DOK6: variants seen among roughly 807,000 people sequenced by gnomAD.
The protein encoded by DOK6 is docking protein 6.
In DOK6, 22 loss-of-function variants were observed where a neutral mutation model predicts 44.0. That is an observed-to-expected ratio of 0.50 (90% CI 0.36 to 0.71). DOK6 has a LOEUF of 0.71. DOK6 is among the 30% of genes least tolerant of loss of function. The probability of loss-of-function intolerance (pLI) is 0.00; values close to 1 mark genes in which losing one functional copy is unlikely to be tolerated. For synonymous variants in DOK6, 166 were observed against 145.5 expected, an observed-to-expected ratio of 1.14 and a Z score of -1.01; for missense variants, 340 against 416.4, an observed-to-expected ratio of 0.82 and a Z score of 1.60.
chr18:69,405,726 G>A (rs1916194760), intron 1 of DOK6, among the ~76,000 whole-genome samples: 1 of 152,146 alleles, frequency 6.6e-6, no homozygotes, highest in Non-Finnish European at 1.5e-5. Flanking sequence ...TGTAAAGAGA[G>A]ATTATATCTT....
chr18:69,757,688 A>G, intron 6 of DOK6, 68 bp from the exon 7 acceptor site: 1 of 1,311,192 alleles, frequency 7.6e-7, no homozygotes, highest in East Asian at 2.3e-5. Context: ...AACCCTGAAT[A>G]TTTAGAAGAG....
At chr18:69,601,862 A>G (rs1983881616) in intron 3 of DOK6, among the ~76,000 whole-genome samples, 1 of 152,318 alleles carries the variant, frequency 6.6e-6, no homozygotes, top group East Asian at 1.9e-4. Flanking sequence ...GTAAGGAAGT[A>G]CCACACGAAT....
chr18:69,507,711 C>T (rs1981235041), intron 1 of DOK6, among the ~76,000 whole-genome samples: 1 of 151,864 alleles, frequency 6.6e-6, no homozygotes, highest in Admixed American at 6.6e-5. Flanking sequence ...AAATAAGTTG[C>T]TTTTTTTAAC....
intron 7 of DOK6, among the ~76,000 whole-genome samples, chr18:69,779,819 A>G (rs1980203405): frequency 6.6e-6 from 1 of 151,938 alleles, no homozygotes; most frequent in Non-Finnish European, 1.5e-5. Context: ...GACAGAAGAT[A>G]CTATTGATCA....
At chr18:69,409,150 G>A (rs1020025379) in intron 1 of DOK6, among the ~76,000 whole-genome samples, 1 of 152,118 alleles carries the variant, frequency 6.6e-6, no homozygotes, top group Admixed American at 6.5e-5. Flanking sequence ...CCCCTTCACT[G>A]GGTACTCATT....
chr18:69,738,135 G>C (rs773195313), intron 5 of DOK6, among the ~76,000 whole-genome samples: 5 of 152,176 alleles, frequency 3.3e-5, no homozygotes, highest in Non-Finnish European at 7.3e-5. Flanking sequence ...GAAGCCTCTT[G>C]AGACATTTCT....
At chr18:69,824,127 G>A (rs1981661796) in intron 7 of DOK6, among the ~76,000 whole-genome samples, 1 of 151,344 alleles carries the variant, frequency 6.6e-6, no homozygotes, top group South Asian at 2.1e-4. Context: ...CATGTGCCAT[G>A]TTGGTGTGCT....
chr18:69,543,905 A>G (rs1982332778), intron 1 of DOK6, among the ~76,000 whole-genome samples: 1 of 151,410 alleles, frequency 6.6e-6, no homozygotes, highest in Admixed American at 6.6e-5. Flanking sequence ...AAATGGAAGC[A>G]AATATATTGA....
intron 1 of DOK6, among the ~76,000 whole-genome samples, chr18:69,464,732 G>A (rs944721632): frequency 6.6e-6 from 1 of 152,168 alleles, no homozygotes; most frequent in African/African-American, 2.4e-5. Flanking sequence ...TCTTCACTAT[G>A]AACAATGTAA....
intron 1 of DOK6, among the ~76,000 whole-genome samples, chr18:69,447,829 T>C (rs1415812692): frequency 6.6e-6 from 1 of 152,224 alleles, no homozygotes; most frequent in Non-Finnish European, 1.5e-5. Flanking sequence ...ACATATCTCT[T>C]TTCCTAACCT....
At chr18:69,436,157 T>C (rs1008689793) in intron 1 of DOK6, among the ~76,000 whole-genome samples, 1 of 147,160 alleles carries the variant, frequency 6.8e-6, no homozygotes, top group African/African-American at 2.5e-5. Flanking sequence ...TTGATACATA[T>C]ACGAATTATC....
chr18:69,404,516 A>T (rs1916161621), intron 1 of DOK6, among the ~76,000 whole-genome samples: 2 of 152,004 alleles, frequency 1.3e-5, no homozygotes, highest in African/African-American at 4.8e-5. Context: ...TTGTGGAGTG[A>T]TCATCATCAT....
intron 3 of DOK6, among the ~76,000 whole-genome samples, chr18:69,613,382 T>C (rs1044173072): frequency 6.6e-6 from 1 of 152,166 alleles, no homozygotes; most frequent in Admixed American, 6.5e-5. Flanking sequence ...AGGAGAGCCC[T>C]TCTTTCTTTT....
chr18:69,741,697 G>C (rs34964208), intron 6 of DOK6, among the ~76,000 whole-genome samples: 16,446 of 151,952 alleles, frequency 0.11, 927 homozygotes, highest in Middle Eastern at 0.16. Flanking sequence ...GGGTCTTACT[G>C]TGTTGCCCAG....
At chr18:69,768,041 A>G (rs527424015) in intron 7 of DOK6, among the ~76,000 whole-genome samples, 2 of 152,236 alleles carry the variant, frequency 1.3e-5, no homozygotes, top group East Asian at 3.9e-4. Context: ...CAGTCTCTAT[A>G]TTTTTCTCCA....
At chr18:69,730,021 A>G (rs1176423842) in intron 5 of DOK6, among the ~76,000 whole-genome samples, 1 of 152,232 alleles carries the variant, frequency 6.6e-6, no homozygotes, top group East Asian at 1.9e-4. Context: ...GAAAGGATAA[A>G]TCAATACGGA....
At chr18:69,562,279 G>A (rs960551414) in intron 1 of DOK6, among the ~76,000 whole-genome samples, 2 of 152,034 alleles carry the variant, frequency 1.3e-5, no homozygotes, top group Non-Finnish European at 2.9e-5. Context: ...TAGTAGTCTG[G>A]GTTTTTTTTT....
At chr18:69,814,480 C>T (rs1357530451) in intron 7 of DOK6, among the ~76,000 whole-genome samples, 1 of 152,120 alleles carries the variant, frequency 6.6e-6, no homozygotes, top group Non-Finnish European at 1.5e-5. Context: ...ATCTAGATCC[C>T]TCCCCTGCAT....
chr18:69,502,174 T>C (rs1981066525), intron 1 of DOK6, among the ~76,000 whole-genome samples: 1 of 152,162 alleles, frequency 6.6e-6, no homozygotes, highest in Non-Finnish European at 1.5e-5. Context: ...ATTGGCTAAC[T>C]TCTTGAAAAG....
Sources: gnomAD v4.1 joint callset for allele counts (sites outside exome capture counted in the v4.1 genomes callset) on GRCh38, gnomAD v4.1.1 for gene constraint, MANE v1.5 for transcripts, NCBI Gene and HGNC (gene_info 2026-07-23, HGNC 2026-07-21) for gene names.